COL4A4: variants seen among roughly 807,000 people sequenced by gnomAD.
The protein encoded by COL4A4 is collagen alpha-4(IV) chain.
In COL4A4, 105 loss-of-function variants were observed where a neutral mutation model predicts 192.9. The ratio of observed to expected loss-of-function variants is 0.54; its 90% CI spans 0.46 to 0.64. The LOEUF (loss-of-function observed/expected upper bound fraction) is 0.64, where lower values mean the gene tolerates loss of function less well. COL4A4 is among the 30% of genes least tolerant of loss of function. The pLI is 0.00. For missense variants in COL4A4, 1,967 were observed against 2,169.3 expected (o/e 0.91, Z 1.85); for synonymous variants, 762 against 769.9 (o/e 0.99, Z 0.17).
Position 227,123,297 on chromosome 2 carries a change from G to A in COL4A4, c.193-2149C>T, listed in dbSNP as rs2061906628. 6.6e-6 allele frequency among the ~76,000 whole-genome samples: 1 copy of A among 152,204 alleles called. No individual in the cohort carries two copies. ...TTATATGCAATAGCAAGAGAAACCGGAAATCCACGGGAAAGGCACCAACCT... is the reference window on the plus strand; with the variant it reads ...TTATATGCAATAGCAAGAGAAACCGAAAATCCACGGGAAAGGCACCAACCT... On this transcript the variant is annotated intron_variant, in intron 4 of 47. Coordinates refer to ENST00000396625, the MANE Select transcript of COL4A4 (RefSeq NM_000092.5). The surrounding 1 kb of genome is among the most constrained non-coding windows in gnomAD (Gnocchi z 4.6).
chr2:227,042,001 G>C, intron 37 of COL4A4, 147 bp downstream of exon 37: 1 of 709,160 alleles, frequency 1.4e-6, no homozygotes, highest in Admixed American at 1.9e-5. Flanking sequence ...CCCTGGCTAA[G>C]GAAGAGTAGG....
rs373931972 is a variant in COL4A4 at position 227,004,407 on chromosome 2, G to A, written c.*2918C>T. 180 of 152,400 alleles carry A rather than the reference G, an allele frequency of 1.2e-3. No homozygotes were observed. Among genetic ancestry groups the A allele is most frequent in the African/African-American group, 4.3e-3 (177 of 41,576 alleles). The allele number at this position is 152,400 out of a possible 1,614,324, so 9.4% of individuals were successfully genotyped here. A position where few individuals can be genotyped will look rare whatever the true frequency, so the allele number is the denominator to read the frequency against. On this transcript the variant is annotated 3_prime_UTR_variant, in exon 48 of 48. Transcript: ENST00000396625. ...TTCATCATGACAGGAAATACTCCTA[G>A]AGGGAACCCTCGAACAGTCCCCACT...
At chr2:227,028,843 G>A (rs1967630743) in intron 41 of COL4A4, among the ~76,000 whole-genome samples, 2 of 151,648 alleles carry the variant, frequency 1.3e-5, no homozygotes, top group South Asian at 2.1e-4. Flanking sequence ...TTTTTGTAGA[G>A]ATGGGGGTCT....
intron 12 of COL4A4, among the ~76,000 whole-genome samples, chr2:227,107,352 T>G (rs1187764694): frequency 6.6e-6 from 1 of 152,176 alleles, no homozygotes; most frequent in Non-Finnish European, 1.5e-5. Flanking sequence ...TCCACAACAA[T>G]GAAATAGCAG....
intron 25 of COL4A4, among the ~76,000 whole-genome samples, chr2:227,074,838 G>T (rs2058930639): frequency 6.6e-6 from 1 of 152,142 alleles, no homozygotes; most frequent in South Asian, 2.1e-4. Flanking sequence ...ACTTACGAGT[G>T]GGAGGTAAGT....
chr2:227,147,431 G>T lies in COL4A4; in HGVS notation c.53C>A (p.Ser18Tyr). The change falls in exon 2 of 48, where the codon TCC (serine) becomes TAC (tyrosine). Residue 18 changes from serine (S) to tyrosine (Y), a missense_variant. Transcript: ENST00000396625. ...LMRCSFRLTK[S>Y]LATGPWSLIL... The stretch of plus-strand genomic sequence containing the variant: ...TACTCACCAGGGACCTGTGGCCAAG[G>T]ACTTGGTCAATCTGAAGGAGCACCT... 6.2e-7 allele frequency: 1 copy of T among 1,613,698 alleles called. No homozygotes were observed. The highest frequency in any genetic ancestry group is 8.5e-7 in the Non-Finnish European group (1 of 1,179,698).
chr2:227,059,033 C>T (rs940349534), intron 28 of COL4A4, among the ~76,000 whole-genome samples: 3 of 152,176 alleles, frequency 2.0e-5, no homozygotes, highest in Admixed American at 1.3e-4. Flanking sequence ...TGCCAGCTCA[C>T]AGCTCCAGCC....
chr2:227,086,318 C>T (rs2059599579), intron 22 of COL4A4, among the ~76,000 whole-genome samples: 1 of 152,188 alleles, frequency 6.6e-6, no homozygotes, highest in Admixed American at 6.5e-5. Context: ...GGAGAGCCCC[C>T]AAGAGCGAGA....
intron 26 of COL4A4, among the ~76,000 whole-genome samples, chr2:227,060,989 G>C (rs926474459): frequency 4.6e-5 from 7 of 152,174 alleles, no homozygotes; most frequent in Non-Finnish European, 8.8e-5. Flanking sequence ...GCCTCCCAAA[G>C]TGCTGAGATT....
chr2:226,975,389 G>A, the COL4A4 span, among the ~76,000 whole-genome samples: 1,405 of 152,236 alleles, frequency 9.2e-3, 22 homozygotes, highest in African/African-American at 0.032. Flanking sequence ...AAAGCTGGAG[G>A]TGAGGGAGGC....
At chr2:227,105,996 T>C (rs2150834308) in intron 12 of COL4A4, among the ~76,000 whole-genome samples, 1 of 151,454 alleles carries the variant, frequency 6.6e-6, no homozygotes, top group East Asian at 1.9e-4. Context: ...TTACTAAAAC[T>C]ACTAATGCTT....
At position 227,089,477 on chromosome 2, in the gene COL4A4, C is replaced by A. The variant is rs553401151; in HGVS notation, c.1459+391G>T. 8.9e-4 allele frequency among the ~76,000 whole-genome samples: 135 copies of A among 151,470 alleles called. 1 individual carries two copies. The highest frequency in any genetic ancestry group is 3.1e-3 in the African/African-American group (129 of 41,312). On this transcript the variant is annotated intron_variant, in intron 21 of 47. Coordinates refer to ENST00000396625, the MANE Select transcript of COL4A4 (RefSeq NM_000092.5). Reference sequence around the variant, plus strand: ...TGATGAGTCTGGGAAATATAGGTCCCACAAAAATCAAACATCAATACTGTC... The same window carrying A: ...TGATGAGTCTGGGAAATATAGGTCCAACAAAAATCAAACATCAATACTGTC...
At chr2:227,118,545 C>G in intron 7 of COL4A4, 100 bp downstream of exon 7, 1 of 922,962 alleles carries the variant, frequency 1.1e-6, no homozygotes, top group South Asian at 1.3e-5. Context: ...ATGCTCCAGG[C>G]ACACTTGTAT....
intron 8 of COL4A4, among the ~76,000 whole-genome samples, chr2:227,113,178 G>A (rs946114200): frequency 6.6e-6 from 1 of 152,112 alleles, no homozygotes; most frequent in Non-Finnish European, 1.5e-5. Flanking sequence ...ATTCCCACCC[G>A]TAATGCATAA....
rs771191013 is a variant in COL4A4, at chr2:227,005,297, C to G, written c.*2028G>C. 6 of 151,950 alleles carry G rather than the reference C, an allele frequency of 3.9e-5. No homozygotes were observed. The highest frequency in any genetic ancestry group is 8.8e-5 in the Non-Finnish European group (6 of 68,008). The allele number at this position is 151,950 out of a possible 1,614,324, so 9.4% of individuals were successfully genotyped here. On this transcript the variant is annotated 3_prime_UTR_variant, in exon 48 of 48. Coordinates refer to ENST00000396625, the MANE Select transcript of COL4A4 (RefSeq NM_000092.5). ...AATAATTAGCAAGCAAGATACGTTT[C>G]TGATGTTCCATTTGTCACCCTTACC... is the stretch of plus-strand genomic sequence containing the variant.
Position 227,099,702 on chromosome 2 carries a change from A to G in COL4A4, c.1030-13T>C, listed in dbSNP as rs2060400373. The G allele has an allele frequency of 6.2e-7, 1 of 1,613,036 alleles. No individual in the cohort carries two copies. The highest frequency in any genetic ancestry group is 8.5e-7 in the Non-Finnish European group (1 of 1,179,088). On this transcript the variant is annotated splice_polypyrimidine_tract_variant and intron_variant, in intron 17 of 47. Transcript: ENST00000396625. ...TTCCAGGATCCCCCTGAAATCATTC[A>G]TTCATTCACTTTTTAAAGGAATATT...
In COL4A4 at chr2:227,057,453, T is replaced by C. The variant is rs1559515135; in HGVS notation, c.2531A>G (p.Tyr844Cys). The C allele has an allele frequency of 6.2e-7, 1 of 1,607,664 alleles. No individual in the cohort carries two copies. The highest frequency in any genetic ancestry group is 2.2e-5 in the East Asian group (1 of 44,810). The change falls in exon 29 of 48, where the codon TAT becomes TGT. Residue 844 changes from tyrosine (Y) to cysteine (C), a missense_variant. Tyr to Cys is a radical substitution (Grantham distance 194). Coordinates refer to ENST00000396625, the MANE Select transcript of COL4A4 (RefSeq NM_000092.5). ...GIPGQPGLPG[Y>C]PGSPGAPGGK... ...TTGACACTTACCTGGGCTACCTGGA[T>C]ACCCAGGGAGTCCCGGTTGCCCTGG...
chr2:227,135,828 G>A (rs1162869051), intron 4 of COL4A4, among the ~76,000 whole-genome samples: 1 of 151,872 alleles, frequency 6.6e-6, no homozygotes, highest in African/African-American at 2.4e-5. Flanking sequence ...ATTTTTAGTA[G>A]AGGTGGGGTT....
chr2:227,002,525 T>C (rs1961242691), downstream of COL4A4, among the ~76,000 whole-genome samples: 1 of 152,246 alleles, frequency 6.6e-6, no homozygotes. Flanking sequence ...ATTTCTCTTC[T>C]GCGCGCCATC....
Sources: gnomAD v4.1 joint callset for allele counts (sites outside exome capture counted in the v4.1 genomes callset) on GRCh38, gnomAD v4.1.1 for gene constraint, Gnocchi (gnomAD v3.1) non-coding constraint, MANE v1.5 for transcripts, NCBI Gene and HGNC (gene_info 2026-07-23, HGNC 2026-07-21) for gene names.